TGS1: variants seen among roughly 807,000 people sequenced by gnomAD.
TGS1 encodes the protein trimethylguanosine synthase.
A neutral mutation model predicts 92.2 loss-of-function variants in TGS1; 69 were observed. The ratio of observed to expected loss-of-function variants is 0.75; its 90% CI spans 0.62 to 0.91. The LOEUF is 0.91. TGS1 is among the 40% of genes least tolerant of loss of function. The pLI, the probability that TGS1 is intolerant of heterozygous loss-of-function variation, is 0.00. For missense variants in TGS1, 1,062 were observed against 1,001.2 expected, an observed-to-expected ratio of 1.06 and a Z score of -0.82; for synonymous variants, 345 against 338.1, an observed-to-expected ratio of 1.02 and a Z score of -0.22.
chr8:55,795,861 A>T, intron 6 of TGS1, 117 bp from the exon 7 acceptor site: 1 of 777,836 alleles, frequency 1.3e-6, no homozygotes, highest in Non-Finnish European at 2.1e-6. Context: ...CATAATTTTA[A>T]AAAGGGAATT....
chr8:55,776,002 C>T (rs1014846749), intron 1 of TGS1, among the ~76,000 whole-genome samples: 1 of 152,046 alleles, frequency 6.6e-6, no homozygotes, highest in African/African-American at 2.4e-5. Flanking sequence ...TCCCTTGGAT[C>T]GATTGACTGT....
intron 2 of TGS1, among the ~76,000 whole-genome samples, 170 bp from the exon 3 acceptor site, chr8:55,785,549 A>G (rs1245413578): frequency 6.6e-6 from 1 of 151,988 alleles, no homozygotes; most frequent in East Asian, 1.9e-4. Context: ...TTATACTCCA[A>G]CCTGGGCAGT....
chr8:55,804,113 C>T (rs1404409463), intron 9 of TGS1, among the ~76,000 whole-genome samples: 5 of 152,158 alleles, frequency 3.3e-5, no homozygotes, highest in African/African-American at 4.8e-5. Context: ...GGCCTTTTGC[C>T]ATCCAGTTCC....
At chr8:55,805,426 GTTTGT>G (rs1166318168) in intron 10 of TGS1, among the ~76,000 whole-genome samples, 4 of 152,180 alleles carry the variant, frequency 2.6e-5, no homozygotes, top group African/African-American at 7.2e-5. Flanking sequence ...GTAGATACTA[GTTTGT>G]TTTATCATTT....
chr8:55,790,363 G>A, intron 5 of TGS1, 64 bp downstream of exon 5: 1 of 1,007,616 alleles, frequency 9.9e-7, no homozygotes, highest in South Asian at 1.3e-5. Context: ...GCATAAGCCA[G>A]TGGTTATTAA....
rs1415611349 is a variant in TGS1, at chr8:55,773,657, T to G, written c.39T>G (p.Phe13Leu). ...CEKWSRVAEM[F>L]LFIEEREDCK... ...AGTGGAGCCGCGTGGCGGAAATGTT[T>G]CTCTTCATTGAGGAGCGGGAGGATT... The change falls in exon 1 of 13, where the codon TTT becomes TTG. Residue 13 changes from phenylalanine to leucine, a missense_variant. Physicochemically the swap from Phe to Leu is conservative, Grantham distance 22 (BLOSUM62 0). Transcript: ENST00000260129. The G allele has an allele frequency of 1.2e-6, 2 of 1,611,314 alleles. No individual in the cohort carries two copies. The highest frequency in any genetic ancestry group is 1.7e-6 in the Non-Finnish European group (2 of 1,179,010).
At position 55,785,748 on chromosome 8, in the gene TGS1, G is replaced by T; in HGVS notation, c.196G>T (p.Gly66Cys). 6.2e-7 allele frequency: 1 copy of T among 1,611,394 alleles called. No individual in the cohort carries two copies. Among genetic ancestry groups the T allele is most frequent in the Non-Finnish European group, 8.5e-7 (1 of 1,179,048 alleles). Residue 66 changes from glycine to cysteine, a missense_variant, in exon 3 of 13, where the codon GGT (glycine) becomes TGT (cysteine). Transcript: ENST00000260129. ...GDQATEEEEGGYSCGTAESHD... is the reference protein window; with the variant it reads ...GDQATEEEEGCYSCGTAESHD... ...CCAGGCGACAGAAGAAGAGGAAGGT[G>T]GTTATTCCTGTGGTACTGCAGAATC...
chr8:55,811,184 T>TGGG, intron 11 of TGS1, 87 bp downstream of exon 11: 3 of 123,350 alleles, frequency 2.4e-5, no homozygotes, highest in Non-Finnish European at 3.1e-5. Flanking sequence ...TGTGGGTGGG[T>TGGG]GGGCAGGGTG....
intron 2 of TGS1, among the ~76,000 whole-genome samples, chr8:55,783,903 G>A (rs1473905604): frequency 6.6e-6 from 1 of 152,184 alleles, no homozygotes; most frequent in African/African-American, 2.4e-5. Context: ...TGCATACAAT[G>A]AAAGGAACAT....
chr8:55,808,314 G>T (rs887386893), intron 10 of TGS1, among the ~76,000 whole-genome samples: 18 of 151,936 alleles, frequency 1.2e-4, no homozygotes, highest in South Asian at 4.2e-4. Context: ...CATTCCTATG[G>T]GCTAAAATCA....
Position 55,786,663 on chromosome 8 carries a change from G to A in TGS1, c.765G>A (p.Trp255Ter). The A allele has an allele frequency of 6.2e-7, 1 of 1,614,068 alleles. No homozygotes were observed. The highest frequency in any genetic ancestry group is 1.1e-5 in the South Asian group (1 of 91,074). The change falls in exon 4 of 13, where the codon TGG becomes TGA. Residue 255 changes from tryptophan to a stop codon, truncating the protein, a stop_gained. Coordinates refer to ENST00000260129, the MANE Select transcript of TGS1 (RefSeq NM_024831.8). LOFTEE classifies it high-confidence loss of function. ...ATTATTTGGAACAATTTCAGTATTG[G>A]GAAGCTCAGGGTTGGACTTTTGATG... ...YWYYLEQFQY[W>*]EAQGWTFDAS...
At chr8:55,792,270 AT>A (rs928860873) in intron 5 of TGS1, among the ~76,000 whole-genome samples, 1 of 151,942 alleles carries the variant, frequency 6.6e-6, no homozygotes, top group African/African-American at 2.4e-5. Flanking sequence ...CTTTTTAGTA[AT>A]TTTTTTCTTT....
intron 8 of TGS1, among the ~76,000 whole-genome samples, chr8:55,802,109 G>A (rs1349007974): frequency 1.3e-5 from 2 of 152,140 alleles, no homozygotes; most frequent in Non-Finnish European, 2.9e-5. Flanking sequence ...CAGGAGAATG[G>A]TGTGAACCCG....
At chr8:55,810,846 T>A in intron 10 of TGS1, 35 bp from the exon 11 acceptor site, 2 of 1,507,930 alleles carry the variant, frequency 1.3e-6, no homozygotes, top group Non-Finnish European at 1.8e-6. Context: ...ATAATCAGTG[T>A]CAATTAACTC....
chr8:55,798,851 G>A, intron 7 of TGS1, 63 bp from the exon 8 acceptor site: 1 of 1,322,828 alleles, frequency 7.6e-7, no homozygotes, highest in Non-Finnish European at 1.0e-6. Flanking sequence ...AATTGTAATA[G>A]GTAGGAAGAT....
intron 12 of TGS1, among the ~76,000 whole-genome samples, chr8:55,823,588 G>C (rs1470406892): frequency 6.6e-6 from 1 of 152,152 alleles, no homozygotes; most frequent in Non-Finnish European, 1.5e-5. Context: ...AGAAGGAAAA[G>C]TCACTAGAGG....
chr8:55,793,022 G>A (rs1397476447), intron 6 of TGS1, among the ~76,000 whole-genome samples: 1 of 152,202 alleles, frequency 6.6e-6, no homozygotes, highest in Non-Finnish European at 1.5e-5. Context: ...TAAAGCAACT[G>A]CAGCTCACAG....
intron 4 of TGS1, chr8:55,789,972 A>T (rs1012980693): frequency 5.1e-5 from 23 of 451,970 alleles, no homozygotes; most frequent in African/African-American, 4.0e-4. Flanking sequence ...GTTTTAGGCT[A>T]AATTTAATTT....
chr8:55,775,976 A>C (rs372615274), intron 1 of TGS1, among the ~76,000 whole-genome samples: 2 of 152,208 alleles, frequency 1.3e-5, no homozygotes, highest in African/African-American at 4.8e-5. Context: ...AAAAGTATCC[A>C]CTAGAATTGA....
Sources: allele counts gnomAD v4.1 joint callset (sites outside exome capture counted in the v4.1 genomes callset), GRCh38; gene constraint gnomAD v4.1.1; transcripts MANE v1.5; gene names NCBI Gene and HGNC (gene_info 2026-07-23, HGNC 2026-07-21).